The following NEURL1B variants were observed in gnomAD, a reference collection of about 807,000 sequenced individuals.
The protein encoded by NEURL1B is E3 ubiquitin-protein ligase NEURL1B.
Under a neutral mutation model 37.4 loss-of-function variants are expected in NEURL1B, and 13 were observed. The observed-to-expected ratio is 0.35, with a 90% confidence interval of 0.23 to 0.55. NEURL1B has a LOEUF of 0.55. Among genes scored for constraint, NEURL1B ranks in the 20% least tolerant of loss-of-function variants. NEURL1B has a pLI of 0.89. For missense variants in NEURL1B, 790 were observed against 879.2 expected (o/e 0.90, Z 1.28); for synonymous variants, 432 against 426.6 (o/e 1.01, Z -0.16).
chr5:172,660,789 G>A (rs1757884853), intron 1 of NEURL1B, among the ~76,000 whole-genome samples: 2 of 152,092 alleles, frequency 1.3e-5, no homozygotes, highest in Admixed American at 6.5e-5. Flanking sequence ...ACAGATGCCC[G>A]CCACTACACC....
At chr5:172,664,813 C>T (rs1294480904) in intron 1 of NEURL1B, among the ~76,000 whole-genome samples, 2 of 152,140 alleles carry the variant, frequency 1.3e-5, no homozygotes, top group African/African-American at 2.4e-5. Context: ...CTCACGTCAG[C>T]GCTGTGGTCT....
Position 172,651,735 on chromosome 5 carries a change from T to C in NEURL1B, c.31+10298T>C, listed in dbSNP as rs563439937. ...ATAGATGTAGTTTATCCAATCTACATTTTTATTAACTGTCACCCACCAAAA... is the reference window on the plus strand; with the variant it reads ...ATAGATGTAGTTTATCCAATCTACACTTTTATTAACTGTCACCCACCAAAA... On this transcript the variant is annotated intron_variant, in intron 1 of 4. Transcript: ENST00000369800. 5.9e-5 allele frequency among the ~76,000 whole-genome samples: 9 copies of C among 152,360 alleles called. No homozygotes were observed. The East Asian group carries it at 1.7e-3, about 29-fold the overall frequency.
Position 172,647,744 on chromosome 5 carries a change from G to C in NEURL1B, c.31+6307G>C, listed in dbSNP as rs1757585953. On this transcript the variant is annotated intron_variant, in intron 1 of 4. Transcript: ENST00000369800. The surrounding 1 kb of genome is among the most constrained non-coding windows in gnomAD (Gnocchi z 4.2). ...ACCTCACCCCAGGCCTGTAGACTCTGGAACTCAAAAGCTGGATGTGGCCTC... is the reference window on the plus strand; with the variant it reads ...ACCTCACCCCAGGCCTGTAGACTCTCGAACTCAAAAGCTGGATGTGGCCTC... 6.6e-6 allele frequency among the ~76,000 whole-genome samples: 1 copy of C among 151,958 alleles called. No individual in the cohort carries two copies. Among genetic ancestry groups the C allele is most frequent in the Non-Finnish European group, 1.5e-5 (1 of 67,986 alleles).
chr5:172,641,855 G>A lies in NEURL1B; in HGVS notation c.31+418G>A, dbSNP rs1757467448. 6.6e-6 allele frequency among the ~76,000 whole-genome samples: 1 copy of A among 152,210 alleles called. No homozygotes were observed. Among genetic ancestry groups the A allele is most frequent in the Admixed American group, 6.5e-5 (1 of 15,290 alleles). On this transcript the variant is annotated intron_variant, in intron 1 of 4. Coordinates refer to ENST00000369800, the MANE Select transcript of NEURL1B (RefSeq NM_001142651.3). The surrounding 1 kb of genome is among the most constrained non-coding windows in gnomAD (Gnocchi z 6.4). The stretch of plus-strand genomic sequence containing the variant: ...CCGTGGTGCCAAGACTGCAGCTGCC[G>A]AGAGTGAGGGGTGCTCTCAGGGGCA...
At chr5:172,660,570 G>A (rs1757877891) in intron 1 of NEURL1B, among the ~76,000 whole-genome samples, 1 of 152,238 alleles carries the variant, frequency 6.6e-6, no homozygotes, top group African/African-American at 2.4e-5. Context: ...CAGTAAGCTG[G>A]TGTCTGTCTC....
chr5:172,641,571 T>G lies in NEURL1B; in HGVS notation c.31+134T>G. 2.8e-6 allele frequency: 2 copies of G among 724,784 alleles called. No homozygotes were observed. Among genetic ancestry groups the G allele is most frequent in the Non-Finnish European group, 3.8e-6 (2 of 526,662 alleles). The allele number at this position is 724,784 out of a possible 1,614,324, so 44.9% of individuals were successfully genotyped here. On this transcript the variant is annotated intron_variant, in intron 1 of 4. Transcript: ENST00000369800. The surrounding 1 kb of genome is among the most constrained non-coding windows in gnomAD (Gnocchi z 6.4). ...GCAGCGGGCTGGAGTCTCCGGTACC[T>G]CCCGGACCTCAGCTCGGCGCGCGCC...
Position 172,684,150 on chromosome 5 carries a change from G to A in NEURL1B, c.1297+12G>A. 1 of 1,228,370 alleles carries A rather than the reference G, an allele frequency of 8.1e-7. No individual in the cohort carries two copies. Among genetic ancestry groups the A allele is most frequent in the Non-Finnish European group, 1.0e-6 (1 of 984,822 alleles). 76.1% of individuals were successfully genotyped at this position (1,228,370 alleles called of 1,614,324 possible). ...GCTGCGTCTCCTCGGTGAGTCCCCG[G>A]CCCCGCGTGCGCGAGGCCCCGCCCC... On this transcript the variant is annotated intron_variant, in intron 3 of 4. Transcript: ENST00000369800.
chr5:172,682,731 T>C (rs1256740624), intron 2 of NEURL1B, among the ~76,000 whole-genome samples: 1 of 152,194 alleles, frequency 6.6e-6, no homozygotes, highest in African/African-American at 2.4e-5. Flanking sequence ...GGTCCTCCCT[T>C]CTTTCAGAGG....
Position 172,686,780 on chromosome 5 carries a change from A to G in NEURL1B, c.1523A>G (p.Asp508Gly). Reference protein sequence around the residue: ...IKNGECTVCFDGEVDTVIYTC... With the variant: ...IKNGECTVCFGGEVDTVIYTC... The stretch of plus-strand genomic sequence containing the variant: ...AATGGCGAGTGCACGGTGTGCTTCG[A>G]TGGCGAGGTGGACACGGTCATCTAC... The change falls in exon 5 of 5, where the codon GAT (aspartate) becomes GGT (glycine). Residue 508 changes from aspartate (D) to glycine (G), a missense_variant. Coordinates refer to ENST00000369800, the MANE Select transcript of NEURL1B (RefSeq NM_001142651.3). The surrounding 1 kb of genome is among the most constrained non-coding windows in gnomAD (Gnocchi z 7.9). The G allele has an allele frequency of 1.9e-6, 3 of 1,551,854 alleles. No homozygotes were observed. The highest frequency in any genetic ancestry group is 2.6e-6 in the Non-Finnish European group (3 of 1,147,236).
At chr5:172,679,977 C>T (rs1348743623) in intron 2 of NEURL1B, among the ~76,000 whole-genome samples, 2 of 152,120 alleles carry the variant, frequency 1.3e-5, no homozygotes, top group Non-Finnish European at 2.9e-5. Context: ...TGGCACTTGG[C>T]CCAGTTTTCT....
At chr5:172,679,715 T>A (rs1292496046) in intron 2 of NEURL1B, among the ~76,000 whole-genome samples, 1 of 152,244 alleles carries the variant, frequency 6.6e-6, no homozygotes, top group Non-Finnish European at 1.5e-5. Context: ...CCCAGCCTTG[T>A]AGACACGCCA....
In NEURL1B at chr5:172,661,214, AT is replaced by A; in HGVS notation, c.32-8570del. On this transcript the variant is annotated intron_variant, in intron 1 of 4. Transcript: ENST00000369800. This position sits in a 1 kb window ranked among gnomAD's most constrained non-coding sequence, Gnocchi z 4.0. ...CTCAAGGTCTACAGTCCAAGGACGC[AT>A]GTTATAAAGGTCCAGGTCCAGGAAG... is the stretch of plus-strand genomic sequence containing the variant. Among the ~76,000 whole-genome samples, 1 of 152,304 alleles carries A rather than the reference AT, an allele frequency of 6.6e-6. No homozygotes were observed. The highest frequency in any genetic ancestry group is 2.1e-4 in the South Asian group (1 of 4,830).
At chr5:172,685,608 T>C (rs1442904667) in intron 3 of NEURL1B, among the ~76,000 whole-genome samples, 4 of 152,180 alleles carry the variant, frequency 2.6e-5, no homozygotes, top group Non-Finnish European at 5.9e-5. Flanking sequence ...TGGGAGTATA[T>C]TGGGTGAGTT....
chr5:172,667,034 G>A (rs1758026262), intron 1 of NEURL1B, among the ~76,000 whole-genome samples: 1 of 152,028 alleles, frequency 6.6e-6, no homozygotes, highest in Admixed American at 6.5e-5. Flanking sequence ...GCTGAGCCCA[G>A]GGAAACCAAA....
At chr5:172,662,667 G>T (rs1294911973) in intron 1 of NEURL1B, among the ~76,000 whole-genome samples, 1 of 152,158 alleles carries the variant, frequency 6.6e-6, no homozygotes, top group Non-Finnish European at 1.5e-5. Context: ...CAAAGCACAG[G>T]CTTTCATCCA....
intron 2 of NEURL1B, among the ~76,000 whole-genome samples, chr5:172,670,983 C>G (rs978173819): frequency 6.6e-6 from 1 of 152,196 alleles, no homozygotes; most frequent in African/African-American, 2.4e-5. Context: ...TGCCCAAATC[C>G]TGATGGTGAG....
At chr5:172,666,879 C>T (rs1277994973) in intron 1 of NEURL1B, among the ~76,000 whole-genome samples, 1 of 152,134 alleles carries the variant, frequency 6.6e-6, no homozygotes, top group East Asian at 1.9e-4. Flanking sequence ...CCCTGACTGA[C>T]CTTGAGCTTG....
intron 1 of NEURL1B, among the ~76,000 whole-genome samples, chr5:172,663,011 G>C (rs1029977764): frequency 1.5e-5 from 2 of 135,460 alleles, no homozygotes; most frequent in African/African-American, 5.6e-5. Flanking sequence ...TGGATTGCTT[G>C]AGCCCAGGAG....
chr5:172,685,652 T>G (rs1188395039), intron 3 of NEURL1B, among the ~76,000 whole-genome samples: 1 of 152,206 alleles, frequency 6.6e-6, no homozygotes, highest in African/African-American at 2.4e-5. Flanking sequence ...TGGAAGGATA[T>G]CAGCAGGATC....
Sources: gnomAD v4.1 joint callset for allele counts (sites outside exome capture counted in the v4.1 genomes callset) on GRCh38, gnomAD v4.1.1 for gene constraint, Gnocchi (gnomAD v3.1) non-coding constraint, MANE v1.5 for transcripts, NCBI Gene and HGNC (gene_info 2026-07-23, HGNC 2026-07-21) for gene names.